The following PCDHA6 variants were observed in gnomAD, a reference collection of about 807,000 sequenced individuals.
The protein encoded by PCDHA6 is protocadherin alpha 6.
A neutral mutation model predicts 60.3 loss-of-function variants in PCDHA6; 55 were observed. The ratio of observed to expected loss-of-function variants is 0.91; its 90% confidence interval spans 0.73 to 1.14. The LOEUF (loss-of-function observed/expected upper bound fraction) is 1.14, where lower values mean the gene tolerates loss of function less well. PCDHA6 is among the 50% of genes most tolerant of loss of function. PCDHA6 has a pLI of 0.00. For missense variants in PCDHA6, 1,327 were observed against 1,256.5 expected, an observed-to-expected ratio of 1.06 and a Z score of -0.85; for synonymous variants, 652 against 557.9, an observed-to-expected ratio of 1.17 and a Z score of -2.38.
intron 1 of PCDHA6, among the ~76,000 whole-genome samples, chr5:140,950,960 A>G (rs2094536305): frequency 6.6e-6 from 1 of 151,564 alleles, no homozygotes. Flanking sequence ...CTATTGATCT[A>G]TTTTCAGATT....
chr5:140,962,791 T>G (rs998586099), intron 1 of PCDHA6, among the ~76,000 whole-genome samples: 19 of 152,252 alleles, frequency 1.2e-4, no homozygotes, highest in Admixed American at 1.1e-3. Context: ...TAAAAACTAC[T>G]TTGGACAACT....
intron 1 of PCDHA6, among the ~76,000 whole-genome samples, chr5:140,946,691 G>A (rs782114019): frequency 3.4e-5 from 5 of 147,578 alleles, no homozygotes; most frequent in African/African-American, 5.1e-5. Context: ...TGACAATATG[G>A]ATGAATCTGG....
At position 140,835,855 on chromosome 5, in the gene PCDHA6, C is replaced by T. The variant is rs2150246728; in HGVS notation, c.2394+5370C>T. On this transcript the variant is annotated intron_variant, in intron 1 of 3. Coordinates refer to ENST00000529310, the MANE Select transcript of PCDHA6 (RefSeq NM_018909.4). ...GACGCGCAGAAGAACGCGCTGGTGT[C>T]CTACTCGCTGGTGGAGCTGCGGGTG... 9.9e-6 allele frequency: 16 copies of T among 1,612,246 alleles called. 1 individual carries two copies. In the East Asian group the frequency reaches 3.6e-4, roughly 36 times the overall value.
chr5:140,992,847 A>G (rs183404145), intron 3 of PCDHA6, among the ~76,000 whole-genome samples: 1 of 152,264 alleles, frequency 6.6e-6, no homozygotes, highest in East Asian at 1.9e-4. Flanking sequence ...TTGTATAACA[A>G]CCAGTTTCAC....
At chr5:140,980,553 C>G (rs1554241953) in intron 2 of PCDHA6, among the ~76,000 whole-genome samples, 1 of 152,062 alleles carries the variant, frequency 6.6e-6, no homozygotes, top group Admixed American at 6.6e-5. Context: ...TCGCTTGAAC[C>G]CGGGAGGCGG....
intron 1 of PCDHA6, among the ~76,000 whole-genome samples, chr5:140,897,219 C>T (rs1169975962): frequency 1.1e-4 from 17 of 152,004 alleles, no homozygotes; most frequent in Admixed American, 1.1e-3. Flanking sequence ...TTTTAGGGTA[C>T]ATGTGCACAA....
rs2150177583 is a variant in PCDHA6 at position 140,829,910 on chromosome 5, C to T, written c.1819C>T (p.Leu607Phe). 3.7e-6 allele frequency: 6 copies of T among 1,613,984 alleles called. No individual in the cohort carries two copies. The highest frequency in any genetic ancestry group is 3.3e-5 in the South Asian group (3 of 91,076). Residue 607 changes from leucine to phenylalanine, a missense_variant, in exon 1 of 4, where the codon CTT (leucine) becomes TTT (phenylalanine). By Grantham distance (22) the Leu-to-Phe change is conservative (BLOSUM62 0). Coordinates refer to ENST00000529310, the MANE Select transcript of PCDHA6 (RefSeq NM_018909.4). Reference protein sequence around the residue: ...VDADSGYNAWLSYELQPPASS... With the variant: ...VDADSGYNAWFSYELQPPASS... ...CGCCGACTCAGGCTACAACGCGTGG[C>T]TTTCGTATGAGCTGCAGCCCCCGGC...
intron 1 of PCDHA6, among the ~76,000 whole-genome samples, chr5:140,936,259 T>A (rs1327533719): frequency 6.6e-6 from 1 of 152,228 alleles, no homozygotes; most frequent in African/African-American, 2.4e-5. Context: ...CTTCAAGTCA[T>A]GAAGATATAT....
chr5:140,843,519 G>C (rs1392443820), intron 1 of PCDHA6: 3 of 1,595,904 alleles, frequency 1.9e-6, no homozygotes, highest in Non-Finnish European at 2.6e-6. Context: ...GGCGGGTGCC[G>C]GGCGGGCAAG....
In PCDHA6 at chr5:140,997,052, G is replaced by A. The variant is rs1410360967; in HGVS notation, c.2543-12575G>A. On this transcript the variant is annotated intron_variant, in intron 3 of 3. Transcript: ENST00000529310. ...AAATTAATGAACTTTACTTTTTAGAGCAGTTTTAGGTTCACAGGAAAGTTG... is the reference window on the plus strand; with the variant it reads ...AAATTAATGAACTTTACTTTTTAGAACAGTTTTAGGTTCACAGGAAAGTTG... Among the ~76,000 whole-genome samples, 5 of 152,148 alleles carry A rather than the reference G, an allele frequency of 3.3e-5. No homozygotes were observed. The East Asian group carries it at 9.6e-4, about 29-fold the overall frequency.
At chr5:140,963,556 T>A (rs891498931) in intron 1 of PCDHA6, among the ~76,000 whole-genome samples, 28 of 152,238 alleles carry the variant, frequency 1.8e-4, no homozygotes, top group Non-Finnish European at 3.4e-4. Context: ...AAAAAGGGGC[T>A]GTTTTCTGGT....
intron 1 of PCDHA6, among the ~76,000 whole-genome samples, chr5:140,949,015 T>A (rs1004348581): frequency 7.9e-5 from 12 of 151,734 alleles, no homozygotes; most frequent in Non-Finnish European, 1.2e-4. Context: ...ATATGTGATG[T>A]TTTTATTTTT....
intron 1 of PCDHA6, among the ~76,000 whole-genome samples, chr5:140,892,079 G>A (rs985463495): frequency 2.0e-5 from 3 of 152,066 alleles, no homozygotes; most frequent in Admixed American, 6.6e-5. Context: ...ATAATTTCTA[G>A]TTTCCTCTCG....
At chr5:140,923,165 A>G (rs1307354165) in intron 1 of PCDHA6, among the ~76,000 whole-genome samples, 1 of 152,148 alleles carries the variant, frequency 6.6e-6, no homozygotes. Context: ...AGAAAGATAA[A>G]TTTTTGTTCA....
chr5:140,859,571 G>C (rs2045916086), intron 1 of PCDHA6: 1 of 174,150 alleles, frequency 5.7e-6, no homozygotes, highest in Non-Finnish European at 1.2e-5. Context: ...CCATGAATTT[G>C]TCATCTTGCC....
intron 1 of PCDHA6, chr5:140,855,925 C>A: frequency 1.6e-6 from 2 of 1,240,618 alleles, no homozygotes; most frequent in African/African-American, 1.5e-5. Flanking sequence ...TAGGAAGTAG[C>A]GTCATTCTGA....
chr5:140,848,963 C>G (rs376979276), intron 1 of PCDHA6: 3 of 1,606,264 alleles, frequency 1.9e-6, no homozygotes, highest in Non-Finnish European at 1.7e-6. Flanking sequence ...CACTAGAGGG[C>G]GCGTCCGATG....
At chr5:140,923,660 G>T (rs1442227445) in intron 1 of PCDHA6, among the ~76,000 whole-genome samples, 1 of 152,148 alleles carries the variant, frequency 6.6e-6, no homozygotes, top group South Asian at 2.1e-4. Context: ...TTATCTTTGG[G>T]ATATCGTTCT....
chr5:140,883,065 C>G, intron 1 of PCDHA6: 1 of 1,614,056 alleles, frequency 6.2e-7, no homozygotes, highest in Non-Finnish European at 8.5e-7. Context: ...AAGCTAAATG[C>G]CACAGATCCT....
Sources: allele counts gnomAD v4.1 joint callset (sites outside exome capture counted in the v4.1 genomes callset), GRCh38; gene constraint gnomAD v4.1.1; transcripts MANE v1.5; gene names NCBI Gene and HGNC (gene_info 2026-07-23, HGNC 2026-07-21).